The following AMD1 variants were observed in gnomAD, a reference collection of about 807,000 sequenced individuals.
AMD1 encodes adenosylmethionine decarboxylase 1.
Under a neutral mutation model 40.2 loss-of-function variants are expected in AMD1, and 11 were observed. The observed-to-expected ratio is 0.27, with a 90% CI of 0.17 to 0.45. The LOEUF is 0.45. AMD1 is among the 20% of genes least tolerant of loss of function. The pLI is 1.00. For synonymous variants in AMD1, 121 were observed against 130.8 expected (o/e 0.93, Z 0.51); for missense variants, 257 against 410.2 (o/e 0.63, Z 3.23).
the AMD1 span, among the ~76,000 whole-genome samples, chr6:110,837,713 GAAAAAAAAAAAAAAAAAA>G: frequency 1.0e-4 from 2 of 19,910 alleles, no homozygotes; most frequent in African/African-American, 3.8e-4. Flanking sequence ...CTCCATCTCA[GAAAAAAAAAAAAAAAAAA>G]AAAAAAAAAA....
At chr6:110,864,085 A>G in the AMD1 span, 20 of 233,288 alleles carry the variant, frequency 8.6e-5, no homozygotes, top group Non-Finnish European at 1.4e-4. Context: ...TCAGCCCCCC[A>G]AGTAGGTGGG....
chr6:110,854,756 G>A, the AMD1 span, among the ~76,000 whole-genome samples: 3 of 151,876 alleles, frequency 2.0e-5, no homozygotes, highest in Admixed American at 6.6e-5. Flanking sequence ...CCAAATGTTT[G>A]TAATTCTTAC....
the AMD1 span, among the ~76,000 whole-genome samples, chr6:110,848,068 A>G: frequency 1.3e-5 from 2 of 152,028 alleles, no homozygotes; most frequent in Non-Finnish European, 2.9e-5. Flanking sequence ...TGGGTACTAT[A>G]GCCTTGTGAA....
intron 3 of AMD1, 183 bp from the exon 4 acceptor site, chr6:110,890,071 A>G: frequency 1.9e-6 from 1 of 514,676 alleles, no homozygotes; most frequent in Non-Finnish European, 3.4e-6. Context: ...TCCTGGGCCA[A>G]GTGATCCTCC....
the AMD1 span, among the ~76,000 whole-genome samples, chr6:110,821,556 G>A: frequency 6.6e-6 from 1 of 152,042 alleles, no homozygotes. Context: ...AGAGGTTGCA[G>A]TGAGCCAAGA....
At chr6:110,890,155 G>C in intron 3 of AMD1, 99 bp from the exon 4 acceptor site, 1 of 893,458 alleles carries the variant, frequency 1.1e-6, no homozygotes, top group Non-Finnish European at 1.7e-6. Context: ...ATTTTGCCGA[G>C]TTTTTGATAT....
chr6:110,840,363 C>G, the AMD1 span, among the ~76,000 whole-genome samples: 1 of 151,884 alleles, frequency 6.6e-6, no homozygotes, highest in Non-Finnish European at 1.5e-5. Context: ...CCTTCACAAA[C>G]CAGTCCCAAG....
upstream of AMD1, among the ~76,000 whole-genome samples, chr6:110,874,171 A>G (rs1562332327): frequency 6.6e-6 from 1 of 152,238 alleles, no homozygotes. Context: ...TGGCTATTGT[A>G]TAAACCAGCC....
At chr6:110,848,789 G>A in the AMD1 span, 1 of 223,870 alleles carries the variant, frequency 4.5e-6, no homozygotes, top group African/African-American at 2.3e-5. Context: ...ATTGCTTGAA[G>A]CCAGGAGTTC....
At chr6:110,834,840 T>C in the AMD1 span, among the ~76,000 whole-genome samples, 1 of 150,958 alleles carries the variant, frequency 6.6e-6, no homozygotes, top group African/African-American at 2.4e-5. Flanking sequence ...TCCCAGCTAC[T>C]TGGGAGGCTG....
chr6:110,856,981 T>C, the AMD1 span, among the ~76,000 whole-genome samples: 1 of 151,878 alleles, frequency 6.6e-6, no homozygotes, highest in African/African-American at 2.4e-5. Flanking sequence ...CTGGCCAATA[T>C]GGAGAAACCC....
rs769890046 is a variant in AMD1, at chr6:110,892,790, A to G, written c.671A>G (p.Asn224Ser). The G allele has an allele frequency of 3.7e-6, 6 of 1,613,964 alleles. No homozygotes were observed. Among genetic ancestry groups the G allele is most frequent in the Non-Finnish European group, 2.5e-6 (3 of 1,179,986 alleles). ...PGSVIDATMFNPCGYSMNGMK... is the reference protein window; with the variant it reads ...PGSVIDATMFSPCGYSMNGMK... Reference sequence around the variant, plus strand: ...TCTGTCATTGATGCCACAATGTTCAATCCTTGTGGGTATTCGATGAATGGA... The same window carrying G: ...TCTGTCATTGATGCCACAATGTTCAGTCCTTGTGGGTATTCGATGAATGGA... Residue 224 changes from asparagine (N) to serine (S), a missense_variant, in exon 7 of 9, where the codon AAT becomes AGT. Physicochemically the swap from Asn to Ser is conservative, Grantham distance 46. Transcript: ENST00000368885.
At chr6:110,889,956 T>C (rs1239745490) in intron 3 of AMD1, 2 of 234,664 alleles carry the variant, frequency 8.5e-6, no homozygotes, top group Admixed American at 5.3e-5. Flanking sequence ...GAAAGGAATA[T>C]ACTTGGTGTT....
the AMD1 span, among the ~76,000 whole-genome samples, chr6:110,832,406 C>T: frequency 6.6e-6 from 1 of 151,546 alleles, no homozygotes; most frequent in Non-Finnish European, 1.5e-5. Flanking sequence ...CCACCTTAGC[C>T]TCCCATTGTG....
At position 110,874,827 on chromosome 6, in the gene AMD1, A is replaced by ACT; in HGVS notation, c.-272_-271dup. On this transcript the variant is annotated 5_prime_UTR_variant, in exon 1 of 9. Transcript: ENST00000368885. ...GGCGACATTAGCTAGCGCTCGCTCT[A>ACT]CTCTCTCTAACGGGAAAGCAGCGGA... 2.8e-6 allele frequency: 1 copy of ACT among 357,058 alleles called. No homozygotes were observed. Among genetic ancestry groups the ACT allele is most frequent in the South Asian group, 3.6e-5 (1 of 27,894 alleles). The allele number at this position is 357,058 out of a possible 1,614,324, so 22.1% of individuals were successfully genotyped here. A position where few individuals can be genotyped will look rare whatever the true frequency, so the allele number is the denominator to read the frequency against.
chr6:110,868,724 A>T, the AMD1 span, among the ~76,000 whole-genome samples: 1 of 152,150 alleles, frequency 6.6e-6, no homozygotes, highest in Non-Finnish European at 1.5e-5. Context: ...GGGACAGATT[A>T]TACATAGTTA....
upstream of AMD1, among the ~76,000 whole-genome samples, chr6:110,870,205 C>G (rs1397955377): frequency 6.6e-6 from 1 of 152,228 alleles, no homozygotes; most frequent in South Asian, 2.1e-4. Context: ...GATGTAAATG[C>G]TCACAACATG....
chr6:110,846,144 T>C, the AMD1 span, among the ~76,000 whole-genome samples: 1 of 151,738 alleles, frequency 6.6e-6, no homozygotes, highest in Non-Finnish European at 1.5e-5. Context: ...GAGGCTGAGG[T>C]AGGAGAATCA....
chr6:110,893,872 G>GA lies in AMD1; in HGVS notation c.*262dup. The GA allele has an allele frequency of 2.5e-6, 1 of 399,780 alleles. No homozygotes were observed. Among genetic ancestry groups the GA allele is most frequent in the Non-Finnish European group, 4.6e-6 (1 of 219,656 alleles). The allele number at this position is 399,780 out of a possible 1,614,324, so 24.8% of individuals were successfully genotyped here. A position where few individuals can be genotyped will look rare whatever the true frequency, so the allele number is the denominator to read the frequency against. On this transcript the variant is annotated 3_prime_UTR_variant, in exon 9 of 9. Coordinates refer to ENST00000368885, the MANE Select transcript of AMD1 (RefSeq NM_001634.6). ...TTGCTGTGAAATTGAAGTGCATGTAGAAAAAACCTTTTACTATATGAAACT... is the reference window on the plus strand; with the variant it reads ...TTGCTGTGAAATTGAAGTGCATGTAGAAAAAAACCTTTTACTATATGAAACT...
Sources: gnomAD v4.1 joint callset for allele counts (sites outside exome capture counted in the v4.1 genomes callset) on GRCh38, gnomAD v4.1.1 for gene constraint, MANE v1.5 for transcripts, NCBI Gene and HGNC (gene_info 2026-07-23, HGNC 2026-07-21) for gene names.